TSHZ1: variants seen among roughly 807,000 people sequenced by gnomAD.
TSHZ1 encodes the protein teashirt zinc finger homeobox 1.
Under a neutral mutation model 67.1 loss-of-function variants are expected in TSHZ1, and 12 were observed. That is an observed-to-expected ratio of 0.18 (90% confidence interval 0.11 to 0.29). The LOEUF (loss-of-function observed/expected upper bound fraction) is 0.29. TSHZ1 is among the 10% of genes least tolerant of loss of function. The pLI, the probability that TSHZ1 is intolerant of heterozygous loss-of-function variation, is 1.00. For missense variants in TSHZ1, 1,305 were observed against 1,413.9 expected (o/e 0.92, Z 1.23); for synonymous variants, 632 against 622.4 (o/e 1.02, Z -0.23).
chr18:75,284,322 C>T (rs2023723076), intron 1 of TSHZ1: 1 of 152,648 alleles, frequency 6.6e-6, no homozygotes, highest in Non-Finnish European at 1.5e-5. Flanking sequence ...CCCATGAAGT[C>T]GCTCCGCTGT....
intron 1 of TSHZ1, among the ~76,000 whole-genome samples, chr18:75,260,244 A>G (rs2023414329): frequency 6.6e-6 from 1 of 152,230 alleles, no homozygotes; most frequent in Non-Finnish European, 1.5e-5. Flanking sequence ...TCAATAGCAA[A>G]TATTTATTTT....
At position 75,288,050 on chromosome 18, in the gene TSHZ1, G is replaced by A. The variant is rs34878160; in HGVS notation, c.2643G>A (p.Pro881=). The change falls in exon 2 of 2, where the codon CCG becomes CCA. Residue 881 remains proline, a synonymous_variant. Coordinates refer to ENST00000580243, the MANE Select transcript of TSHZ1 (RefSeq NM_001308210.2). This position sits in a 1 kb window ranked among gnomAD's most constrained non-coding sequence, Gnocchi z 4.9. ...SFEEALDELS[P]VHKRKGRQSN... The stretch of plus-strand genomic sequence containing the variant: ...AGGAGGCGTTGGACGAGCTGTCACC[G>A]GTCCACAAGAGGAAGGGCCGGCAGT... 0.036 allele frequency: 58,484 copies of A among 1,613,854 alleles called. 1,228 individuals are homozygous for A. The highest frequency in any genetic ancestry group is 0.041 in the Non-Finnish European group (48,088 of 1,180,020).
chr18:75,218,623 C>T (rs988699212), intron 1 of TSHZ1, among the ~76,000 whole-genome samples: 8 of 152,228 alleles, frequency 5.3e-5, no homozygotes, highest in African/African-American at 1.7e-4. Context: ...AGGAGCCACA[C>T]CTGCACCTGT....
chr18:75,229,068 G>A (rs2022962405), intron 1 of TSHZ1, among the ~76,000 whole-genome samples: 1 of 152,260 alleles, frequency 6.6e-6, no homozygotes, highest in South Asian at 2.1e-4. Context: ...CTCAAAGTGA[G>A]TGAGGGGTTG....
At chr18:75,248,143 C>T (rs1394278426) in intron 1 of TSHZ1, among the ~76,000 whole-genome samples, 1 of 152,172 alleles carries the variant, frequency 6.6e-6, no homozygotes, top group Non-Finnish European at 1.5e-5. Context: ...GTTTCTCATA[C>T]TGGAAACTGT....
At chr18:75,259,055 G>A (rs537935182) in intron 1 of TSHZ1, among the ~76,000 whole-genome samples, 8 of 152,116 alleles carry the variant, frequency 5.3e-5, no homozygotes, top group East Asian at 1.9e-4. Context: ...AATAGGAGCC[G>A]CCTGTTTCTG....
intron 1 of TSHZ1, among the ~76,000 whole-genome samples, chr18:75,255,464 A>T (rs969507650): frequency 2.6e-5 from 4 of 152,222 alleles, no homozygotes; most frequent in African/African-American, 9.6e-5. Context: ...TATATCTTCT[A>T]ACCAATCATT....
At chr18:75,250,552 G>A (rs1319580517) in intron 1 of TSHZ1, among the ~76,000 whole-genome samples, 2 of 152,222 alleles carry the variant, frequency 1.3e-5, no homozygotes, top group Admixed American at 6.5e-5. Context: ...AGCGTGCTGG[G>A]CCAGCCAGGC....
In TSHZ1 at chr18:75,287,872, C is replaced by T; in HGVS notation, c.2465C>T (p.Ser822Phe). Residue 822 changes from serine (S) to phenylalanine (F), a missense_variant, in exon 2 of 2, where the codon TCC (serine) becomes TTC (phenylalanine). By Grantham distance (155) the Ser-to-Phe change is radical (BLOSUM62 -2). Around this residue, in one of 3 missense-constraint regions of TSHZ1, gnomAD observed 909 missense variants for 961.8 expected, o/e 0.95. Transcript: ENST00000580243. The surrounding 1 kb of genome is among the most constrained non-coding windows in gnomAD (Gnocchi z 5.0). ...LTKSKNKPLV[S>F]SVADSVASPL... ...AAGTCCAAGAACAAGCCGCTGGTGTCCAGCGTGGCTGATTCGGTGGCATCA... is the reference window on the plus strand; with the variant it reads ...AAGTCCAAGAACAAGCCGCTGGTGTTCAGCGTGGCTGATTCGGTGGCATCA... 1 of 1,614,196 alleles carries T rather than the reference C, an allele frequency of 6.2e-7. No individual in the cohort carries two copies. The highest frequency in any genetic ancestry group is 8.5e-7 in the Non-Finnish European group (1 of 1,180,046).
Position 75,286,934 on chromosome 18 carries a change from G to A in TSHZ1, c.1527G>A (p.Val509=), listed in dbSNP as rs1002845833. Residue 509 remains valine, a synonymous_variant, in exon 2 of 2, where the codon GTG becomes GTA. Coordinates refer to ENST00000580243, the MANE Select transcript of TSHZ1 (RefSeq NM_001308210.2). This position sits in a 1 kb window ranked among gnomAD's most constrained non-coding sequence, Gnocchi z 5.1. ...AGCCAGAGAAGGAGAAGCCGCCTGTGGCTGGCGACGCGGAGAAGATCAAGG... is the reference window on the plus strand; with the variant it reads ...AGCCAGAGAAGGAGAAGCCGCCTGTAGCTGGCGACGCGGAGAAGATCAAGG... ...KKEPEKEKPP[V]AGDAEKIKEE... The A allele has an allele frequency of 6.2e-6, 10 of 1,614,206 alleles. No individual in the cohort carries two copies. The highest frequency in any genetic ancestry group is 2.2e-5 in the South Asian group (2 of 91,088).
At chr18:75,225,937 A>G (rs1484874897) in intron 1 of TSHZ1, among the ~76,000 whole-genome samples, 1 of 152,084 alleles carries the variant, frequency 6.6e-6, no homozygotes, top group Non-Finnish European at 1.5e-5. Flanking sequence ...TCAAATGTCA[A>G]TTTGTTTGGT....
chr18:75,237,663 TG>T (rs2023092036), intron 1 of TSHZ1, among the ~76,000 whole-genome samples: 1 of 152,184 alleles, frequency 6.6e-6, no homozygotes, highest in Non-Finnish European at 1.5e-5. Flanking sequence ...TGCAAGTATT[TG>T]TAGGAGAGGC....
chr18:75,224,061 TAAAAAAAAA>T (rs11347694), intron 1 of TSHZ1, among the ~76,000 whole-genome samples: 1 of 117,908 alleles, frequency 8.5e-6, no homozygotes, highest in African/African-American at 3.1e-5. Context: ...TTTAAACTTG[TAAAAAAAAA>T]AAAAAAAAAA....
intron 1 of TSHZ1, among the ~76,000 whole-genome samples, chr18:75,268,027 G>T (rs1427029132): frequency 6.6e-6 from 1 of 152,188 alleles, no homozygotes; most frequent in African/African-American, 2.4e-5. Context: ...CATGATACTG[G>T]CCGTTTTGGT....
intron 1 of TSHZ1, 119 bp downstream of exon 1, chr18:75,212,035 GC>G: frequency 2.7e-6 from 2 of 734,676 alleles, no homozygotes; most frequent in Non-Finnish European, 3.6e-6. Context: ...GGGAGGGGAG[GC>G]CCAGCCTGCG....
chr18:75,237,716 T>C (rs1424626897), intron 1 of TSHZ1, among the ~76,000 whole-genome samples: 4 of 152,142 alleles, frequency 2.6e-5, no homozygotes, highest in African/African-American at 4.8e-5. Context: ...TGAGAGATGT[T>C]TTTGGAAACA....
intron 1 of TSHZ1, among the ~76,000 whole-genome samples, chr18:75,220,758 C>A (rs564619883): frequency 3.3e-5 from 5 of 152,250 alleles, no homozygotes; most frequent in East Asian, 3.9e-4. Flanking sequence ...GTTCATCCAC[C>A]ACACTGCTGC....
intron 1 of TSHZ1, among the ~76,000 whole-genome samples, chr18:75,248,821 G>A (rs765371316): frequency 2.6e-5 from 4 of 152,206 alleles, no homozygotes; most frequent in African/African-American, 4.8e-5. Flanking sequence ...ATTACCCTCT[G>A]TGGTGTCTGC....
At chr18:75,232,631 G>T (rs191825558) in intron 1 of TSHZ1, among the ~76,000 whole-genome samples, 38 of 152,330 alleles carry the variant, frequency 2.5e-4, no homozygotes, top group African/African-American at 8.9e-4. Flanking sequence ...TCAGGCGCCA[G>T]TTCTATTTCT....
Sources: gnomAD v4.1 joint callset for allele counts (sites outside exome capture counted in the v4.1 genomes callset) on GRCh38, gnomAD v4.1.1 for gene constraint, gnomAD v4.1.1 regional missense constraint, Gnocchi (gnomAD v3.1) non-coding constraint, MANE v1.5 for transcripts, NCBI Gene and HGNC (gene_info 2026-07-23, HGNC 2026-07-21) for gene names.